Variants in GRK5 observed in about 807,000 individuals in gnomAD.
GRK5 encodes G protein-coupled receptor kinase 5.
GRK5 carries 40 observed loss-of-function variants against 78.4 expected under a neutral mutation model. That is an observed-to-expected ratio of 0.51 (90% CI 0.40 to 0.66). The LOEUF (loss-of-function observed/expected upper bound fraction) is 0.66, where lower values mean the gene tolerates loss of function less well. Among genes scored for constraint, GRK5 ranks in the 30% least tolerant of loss-of-function variants. GRK5 has a pLI of 0.00. For missense variants in GRK5, 598 were observed against 759.9 expected, an observed-to-expected ratio of 0.79 and a Z score of 2.50; for synonymous variants, 289 against 296.8, an observed-to-expected ratio of 0.97 and a Z score of 0.27.
At chr10:119,339,627 C>A (rs1850950356) in intron 2 of GRK5, among the ~76,000 whole-genome samples, 1 of 152,142 alleles carries the variant, frequency 6.6e-6, no homozygotes, top group African/African-American at 2.4e-5. Flanking sequence ...GGCTCGGTGG[C>A]TCACTCCTAT....
At chr10:119,382,809 ACCATCCATCC>A (rs1318300281) in intron 3 of GRK5, among the ~76,000 whole-genome samples, 5 of 152,072 alleles carry the variant, frequency 3.3e-5, no homozygotes, top group Admixed American at 1.3e-4. Context: ...CTCCCCCATA[ACCATCCATCC>A]CCCTTTGTAA....
intron 2 of GRK5, among the ~76,000 whole-genome samples, chr10:119,334,008 G>A (rs74157662): frequency 0.012 from 1,894 of 152,290 alleles, 39 homozygotes; most frequent in African/African-American, 0.044. Flanking sequence ...CCATCTGGGC[G>A]TCTCCATTGC....
At chr10:119,282,848 G>T (rs551592528) in intron 1 of GRK5, among the ~76,000 whole-genome samples, 2 of 152,204 alleles carry the variant, frequency 1.3e-5, no homozygotes, top group Admixed American at 6.5e-5. Flanking sequence ...TGTCTTAAAG[G>T]TGAGGCCTTG....
intron 1 of GRK5, among the ~76,000 whole-genome samples, chr10:119,301,765 T>C (rs1471883382): frequency 6.6e-6 from 1 of 152,210 alleles, no homozygotes; most frequent in Non-Finnish European, 1.5e-5. Flanking sequence ...GCTGCTTTTC[T>C]GATCCCTGAA....
In GRK5 at chr10:119,246,019, C is replaced by CAA. The variant is rs941734040; in HGVS notation, c.52+38075_52+38076dup. ...TGGGTGACAGAGCGAGACTCCATCTCAAAAAAAAAAAAAAAAAAAAAAAAA... is the reference window on the plus strand; with the variant it reads ...TGGGTGACAGAGCGAGACTCCATCTCAAAAAAAAAAAAAAAAAAAAAAAAAAA... On this transcript the variant is annotated intron_variant, in intron 1 of 15. Coordinates refer to ENST00000392870, the MANE Select transcript of GRK5 (RefSeq NM_005308.3). Among the ~76,000 whole-genome samples, 76 of 14,012 alleles carry CAA rather than the reference C, an allele frequency of 5.4e-3. 1 individual carries two copies. The highest frequency in any genetic ancestry group is 5.9e-3 in the Non-Finnish European group (43 of 7,280). The allele number at this position is 14,012 out of a possible 152,430, so 9.2% of individuals were successfully genotyped here.
At chr10:119,410,868 T>C (rs1648828114) in intron 4 of GRK5, among the ~76,000 whole-genome samples, 1 of 148,976 alleles carries the variant, frequency 6.7e-6, no homozygotes, top group African/African-American at 2.5e-5. Context: ...GAGCCACCTG[T>C]GTCTAAAGAG....
intron 4 of GRK5, among the ~76,000 whole-genome samples, chr10:119,411,944 G>A (rs1852354141): frequency 6.9e-6 from 1 of 144,564 alleles, no homozygotes; most frequent in African/African-American, 2.5e-5. Flanking sequence ...TCCACCTCCT[G>A]GAGTCAAGCA....
At chr10:119,397,832 G>T (rs970632593) in intron 4 of GRK5, among the ~76,000 whole-genome samples, 2 of 152,198 alleles carry the variant, frequency 1.3e-5, no homozygotes, top group Non-Finnish European at 2.9e-5. Flanking sequence ...CCTTTGTCAC[G>T]CCCCACTCTG....
chr10:119,275,587 GCTCTCTCTCTCT>G (rs143881383), intron 1 of GRK5, among the ~76,000 whole-genome samples: 2 of 130,558 alleles, frequency 1.5e-5, no homozygotes, highest in South Asian at 2.6e-4. Flanking sequence ...GCGTGTGCAC[GCTCTCTCTCTCT>G]CTCTCTCTCT....
intron 4 of GRK5, among the ~76,000 whole-genome samples, chr10:119,414,510 C>T (rs1300004874): frequency 6.6e-6 from 1 of 152,236 alleles, no homozygotes; most frequent in African/African-American, 2.4e-5. Flanking sequence ...CTCAACACCA[C>T]ATCCTCCTGC....
chr10:119,260,550 C>A (rs199755774), intron 1 of GRK5, among the ~76,000 whole-genome samples: 3,015 of 151,862 alleles, frequency 0.02, 54 homozygotes, highest in Admixed American at 0.053. Flanking sequence ...GAGGACCCTG[C>A]GGCCTTCCGC....
At chr10:119,352,930 G>A (rs965840466) in intron 2 of GRK5, among the ~76,000 whole-genome samples, 14 of 152,174 alleles carry the variant, frequency 9.2e-5, no homozygotes, top group Admixed American at 6.5e-5. Flanking sequence ...TGGGCCACCC[G>A]GGCTCCGTCC....
chr10:119,356,961 T>G (rs892162138), intron 2 of GRK5, among the ~76,000 whole-genome samples: 3 of 152,260 alleles, frequency 2.0e-5, no homozygotes, highest in Admixed American at 6.5e-5. Context: ...ATGCTACCTC[T>G]ATGGCATTGT....
chr10:119,439,802 C>G, intron 10 of GRK5, 34 bp downstream of exon 10: 2 of 1,602,266 alleles, frequency 1.2e-6, no homozygotes, highest in Non-Finnish European at 1.7e-6. Context: ...CTGAGGTGAG[C>G]ATTGCAACCC....
chr10:119,237,693 G>A (rs1848955470), intron 1 of GRK5, among the ~76,000 whole-genome samples: 2 of 152,134 alleles, frequency 1.3e-5, no homozygotes. Flanking sequence ...CGGAGAGGGG[G>A]AGGGAACTGA....
At position 119,332,387 on chromosome 10, in the gene GRK5, G is replaced by A. The variant is rs139259308; in HGVS notation, c.148+5776G>A. Among the ~76,000 whole-genome samples the A allele has an allele frequency of 8.7e-4, 132 of 152,262 alleles. 1 individual carries two copies. The East Asian group carries it at 0.022, about 26-fold the overall frequency. ...CTCCTGAAATGCTGGGATTACAGGC[G>A]TGAGCCACTGCACCCGGCCAGCTAT... On this transcript the variant is annotated intron_variant, in intron 2 of 15. Transcript: ENST00000392870.
intron 2 of GRK5, among the ~76,000 whole-genome samples, chr10:119,377,562 G>A (rs1414749059): frequency 6.6e-6 from 1 of 152,042 alleles, no homozygotes; most frequent in Admixed American, 6.5e-5. Flanking sequence ...CTTCCAACGA[G>A]TAGTTTTTTT....
At chr10:119,361,660 A>AG (rs1322748566) in intron 2 of GRK5, among the ~76,000 whole-genome samples, 1 of 152,046 alleles carries the variant, frequency 6.6e-6, no homozygotes, top group African/African-American at 2.4e-5. Context: ...GGAGGCGCAG[A>AG]GGGGGTTCAG....
At chr10:119,454,526 C>T (rs1181600856) in intron 15 of GRK5, among the ~76,000 whole-genome samples, 2 of 152,250 alleles carry the variant, frequency 1.3e-5, no homozygotes, top group Non-Finnish European at 2.9e-5. Flanking sequence ...CCGCCCATCT[C>T]TCCCAGGCCG....
Sources: gnomAD v4.1 joint callset for allele counts (sites outside exome capture counted in the v4.1 genomes callset) on GRCh38, gnomAD v4.1.1 for gene constraint, MANE v1.5 for transcripts, NCBI Gene and HGNC (gene_info 2026-07-23, HGNC 2026-07-21) for gene names.